CYREN: variants seen among roughly 807,000 people sequenced by gnomAD.
CYREN encodes the protein cell cycle regulator of non-homologous end joining.
A neutral mutation model predicts 9.7 loss-of-function variants in CYREN; 7 were observed. The observed-to-expected ratio is 0.72, with a 90% CI of 0.41 to 1.36. The LOEUF (loss-of-function observed/expected upper bound fraction) is 1.36, where lower values mean the gene tolerates loss of function less well. CYREN is among the 40% of genes most tolerant of loss of function. The pLI, the probability that CYREN is intolerant of heterozygous loss-of-function variation, is 0.01. For missense variants in CYREN, 215 were observed against 198.1 expected, an observed-to-expected ratio of 1.09 and a Z score of -0.51; for synonymous variants, 76 against 77.9, an observed-to-expected ratio of 0.98 and a Z score of 0.13.
chr7:135,129,113 A>G, intron 2 of CYREN: 1 of 1,555,892 alleles, frequency 6.4e-7, no homozygotes, highest in South Asian at 1.1e-5. Context: ...TCAAAGAGCT[A>G]GTGGAAGCAG....
At chr7:135,146,751 GTTAT>G (rs1397764285) in intron 2 of CYREN, among the ~76,000 whole-genome samples, 1 of 152,178 alleles carries the variant, frequency 6.6e-6, no homozygotes, top group Non-Finnish European at 1.5e-5. Context: ...ATCCAAGCAT[GTTAT>G]TTAGAGAACT....
At chr7:135,112,596 A>G (rs1825796637) in intron 2 of CYREN, among the ~76,000 whole-genome samples, 1 of 152,112 alleles carries the variant, frequency 6.6e-6, no homozygotes, top group East Asian at 1.9e-4. Flanking sequence ...AAGTATGGCT[A>G]TAAGTATATG....
chr7:135,156,030 CTGT>C (rs1466502704), intron 2 of CYREN, among the ~76,000 whole-genome samples: 1 of 116,082 alleles, frequency 8.6e-6, no homozygotes. Context: ...GACAGACACA[CTGT>C]TTTTTTTTTT....
At chr7:135,119,207 T>C (rs1400671027) in intron 2 of CYREN, among the ~76,000 whole-genome samples, 1 of 151,584 alleles carries the variant, frequency 6.6e-6, no homozygotes, top group Non-Finnish European at 1.5e-5. Flanking sequence ...CCCAAAGAAA[T>C]TCATGCCAAG....
intron 2 of CYREN, among the ~76,000 whole-genome samples, chr7:135,098,128 TGAGTG>T (rs1196126702): frequency 6.6e-6 from 1 of 152,100 alleles, no homozygotes; most frequent in Non-Finnish European, 1.5e-5. Context: ...AGATACAAAG[TGAGTG>T]GACAGTTTTG....
At chr7:135,120,684 G>A (rs1490548024) in intron 2 of CYREN, among the ~76,000 whole-genome samples, 4 of 152,128 alleles carry the variant, frequency 2.6e-5, no homozygotes, top group Non-Finnish European at 4.4e-5. Context: ...CCAACAATAT[G>A]CAGTCACAAG....
At chr7:135,154,414 T>C (rs944890826) in intron 2 of CYREN, among the ~76,000 whole-genome samples, 1 of 152,206 alleles carries the variant, frequency 6.6e-6, no homozygotes, top group Non-Finnish European at 1.5e-5. Context: ...ATTTGGTTTG[T>C]TCCTTTTCTA....
downstream of CYREN, among the ~76,000 whole-genome samples, chr7:135,163,571 G>T (rs1346100311): frequency 6.6e-6 from 1 of 152,192 alleles, no homozygotes; most frequent in Non-Finnish European, 1.5e-5. Context: ...CTTGACCCCG[G>T]GAGGCAGAGA....
intron 2 of CYREN, among the ~76,000 whole-genome samples, chr7:135,157,308 G>A (rs577032874): frequency 6.6e-6 from 1 of 152,310 alleles, no homozygotes; most frequent in Admixed American, 6.5e-5. Flanking sequence ...GCAGTCGTGT[G>A]ATCTTTCTAT....
chr7:135,157,367 T>C (rs151096501), intron 2 of CYREN, among the ~76,000 whole-genome samples: 7 of 152,350 alleles, frequency 4.6e-5, no homozygotes, highest in Non-Finnish European at 7.3e-5. Context: ...CTCAGTGGGA[T>C]AGAGTATGGT....
intron 2 of CYREN, among the ~76,000 whole-genome samples, chr7:135,115,200 CT>C (rs1563281122): frequency 3.3e-5 from 5 of 152,138 alleles, no homozygotes. Context: ...ATCCCGTAAA[CT>C]TTATCATTAT....
chr7:135,128,291 CAAAAAAAAAAAAAAA>C lies in CYREN; in HGVS notation n.357-33724_357-33710del, dbSNP rs61217008. On this transcript the variant is annotated intron_variant and non_coding_transcript_variant, in intron 2 of 2. Coordinates refer to the CYREN transcript ENST00000459937. ...TGGGCAACAGAGTGAGACTCCATCT[CAAAAAAAAAAAAAAA>C]AAAAAAAAAAAAACGAAAAAAAAAA... Among the ~76,000 whole-genome samples the C allele has an allele frequency of 3.8e-4, 22 of 58,072 alleles. 1 individual carries two copies. Among genetic ancestry groups the C allele is most frequent in the Admixed American group, 1.3e-3 (4 of 3,100 alleles). The allele number at this position is 58,072 out of a possible 152,430, so 38.1% of individuals were successfully genotyped here.
chr7:135,170,724 CGGCCCCGCGCGCTCCGG>C (rs1210888797), upstream of CYREN: 1 of 152,404 alleles, frequency 6.6e-6, no homozygotes, highest in African/African-American at 2.4e-5. Flanking sequence ...CCGCCTCTTC[CGGCCCCGCGCGCTCCGG>C]GGTCCCGCGG....
chr7:135,129,196 C>T (rs1405936670), intron 2 of CYREN: 1 of 1,418,724 alleles, frequency 7.0e-7, no homozygotes, highest in African/African-American at 1.4e-5. Flanking sequence ...GTGTACTGCC[C>T]CCACGCATGC....
At chr7:135,164,383 GGA>G, downstream of CYREN, 1 of 1,500,506 alleles carries the variant, frequency 6.7e-7, no homozygotes, top group Non-Finnish European at 9.1e-7. Flanking sequence ...AACAAGCAAG[GGA>G]GAGATGGACT....
At chr7:135,124,576 C>T (rs1350869946) in intron 2 of CYREN, among the ~76,000 whole-genome samples, 1 of 152,188 alleles carries the variant, frequency 6.6e-6, no homozygotes, top group Admixed American at 6.5e-5. Flanking sequence ...AATCTCCACC[C>T]CAAATCAACA....
chr7:135,115,529 A>G (rs1442425638), intron 2 of CYREN: 3 of 1,551,552 alleles, frequency 1.9e-6, no homozygotes, highest in Non-Finnish European at 1.7e-6. Context: ...TTTGCTCCCC[A>G]TCGTGCATAG....
intron 2 of CYREN, among the ~76,000 whole-genome samples, chr7:135,139,078 A>T (rs1252238881): frequency 1.3e-5 from 2 of 152,070 alleles, no homozygotes; most frequent in Non-Finnish European, 2.9e-5. Context: ...TCTTTATGGT[A>T]GAACAATTTA....
chr7:135,148,065 A>G lies in CYREN; in HGVS notation n.356+20684T>C, dbSNP rs770729097. 24 of 456,110 alleles carry G rather than the reference A, an allele frequency of 5.3e-5. 1 individual carries two copies. Among genetic ancestry groups the G allele is most frequent in the Admixed American group, 5.2e-4 (22 of 42,530 alleles). 28.3% of individuals were successfully genotyped at this position (456,110 alleles called of 1,614,324 possible). A position where few individuals can be genotyped will look rare whatever the true frequency, so the allele number is the denominator to read the frequency against. On this transcript the variant is annotated intron_variant and non_coding_transcript_variant, in intron 2 of 2. Transcript: ENST00000459937. ...TGACATCAGTCAGAACAAATGTACC[A>G]AAGTTCAGAGAGCTGTTTACTAGGC... is the stretch of plus-strand genomic sequence containing the variant.
Sources: allele counts gnomAD v4.1 joint callset (sites outside exome capture counted in the v4.1 genomes callset), GRCh38; gene constraint gnomAD v4.1.1; transcripts MANE v1.5; gene names NCBI Gene and HGNC (gene_info 2026-07-23, HGNC 2026-07-21).